The following SMYD3 variants were observed in gnomAD, a reference collection of about 807,000 sequenced individuals.
The protein encoded by SMYD3 is SET and MYND domain containing 3.
Under a neutral mutation model 57.7 loss-of-function variants are expected in SMYD3, and 36 were observed. The ratio of observed to expected loss-of-function variants is 0.62; its 90% CI spans 0.48 to 0.82. SMYD3 has a LOEUF of 0.82. Ranked by LOEUF, SMYD3 falls within the 40% of genes least tolerant of loss-of-function variation. SMYD3 has a pLI of 0.00. For synonymous variants in SMYD3, 211 were observed against 195.0 expected, an observed-to-expected ratio of 1.08 and a Z score of -0.68; for missense variants, 515 against 538.8, an observed-to-expected ratio of 0.96 and a Z score of 0.44.
rs546281341 is a variant in SMYD3 at position 245,984,112 on chromosome 1, G to T, written c.532-54175C>A. Among the ~76,000 whole-genome samples, 9 of 151,180 alleles carry T rather than the reference G, an allele frequency of 6.0e-5. No homozygotes were observed. In the South Asian group the frequency reaches 1.9e-3, roughly 32 times the overall value. ...CCTTCTGGGTTCAAGCGATTCTCCT[G>T]CCTCAGCCACCCAAGTAGCTGGGAT... On this transcript the variant is annotated intron_variant, in intron 5 of 11. Transcript: ENST00000490107.
At chr1:246,352,542 T>C (rs1242374042) in intron 2 of SMYD3, among the ~76,000 whole-genome samples, 1 of 152,210 alleles carries the variant, frequency 6.6e-6, no homozygotes, top group African/African-American at 2.4e-5. Context: ...GGCCAATCTT[T>C]AACTCCCCCT....
chr1:246,069,466 C>G (rs769684614), intron 5 of SMYD3, among the ~76,000 whole-genome samples: 1 of 152,174 alleles, frequency 6.6e-6, no homozygotes, highest in Non-Finnish European at 1.5e-5. Flanking sequence ...CATCACTAAC[C>G]TACAGTGTAT....
intron 1 of SMYD3, among the ~76,000 whole-genome samples, chr1:246,422,117 A>C (rs919468576): frequency 2.0e-5 from 3 of 152,214 alleles, no homozygotes; most frequent in Non-Finnish European, 4.4e-5. Context: ...GAATAGCATG[A>C]CACTGTGAAG....
chr1:246,154,402 C>T (rs2148170137), intron 5 of SMYD3, among the ~76,000 whole-genome samples: 1 of 152,310 alleles, frequency 6.6e-6, no homozygotes, highest in East Asian at 1.9e-4. Context: ...CAAAGTGCTT[C>T]AGGGCTTAAG....
At chr1:246,411,791 C>T (rs1359662085) in intron 1 of SMYD3, among the ~76,000 whole-genome samples, 1 of 128,810 alleles carries the variant, frequency 7.8e-6, no homozygotes, top group Non-Finnish European at 1.5e-5. Flanking sequence ...CGCATGGACA[C>T]AGGAAGGGGA....
At chr1:246,444,371 G>A (rs368409002) in intron 1 of SMYD3, among the ~76,000 whole-genome samples, 47 of 152,106 alleles carry the variant, frequency 3.1e-4, no homozygotes, top group East Asian at 1.6e-3. Flanking sequence ...TGATCCACCC[G>A]CCTCGGCCTC....
intron 8 of SMYD3, among the ~76,000 whole-genome samples, chr1:245,888,469 G>A (rs909228761): frequency 6.6e-6 from 1 of 151,996 alleles, no homozygotes; most frequent in African/African-American, 2.4e-5. Flanking sequence ...CACAACCAAG[G>A]GCAGTACCCA....
intron 1 of SMYD3, among the ~76,000 whole-genome samples, chr1:246,464,308 G>A (rs151244088): frequency 1.3e-5 from 2 of 152,248 alleles, no homozygotes; most frequent in African/African-American, 4.8e-5. Context: ...TTGAGCTCAG[G>A]AGTTCAAGAC....
rs1177857334 is a variant in SMYD3, at chr1:246,073,712, G to A, written c.532-143775C>T. On this transcript the variant is annotated intron_variant, in intron 5 of 11. Coordinates refer to ENST00000490107, the MANE Select transcript of SMYD3 (RefSeq NM_001167740.2). Reference sequence around the variant, plus strand: ...AGCCTAGGTGACAGGGCAAGACTCTGTCTCAAAATAAATAAATAAATAAAA... The same window carrying A: ...AGCCTAGGTGACAGGGCAAGACTCTATCTCAAAATAAATAAATAAATAAAA... 2.0e-5 allele frequency among the ~76,000 whole-genome samples: 3 copies of A among 152,066 alleles called. No homozygotes were observed. In the East Asian group the frequency reaches 5.8e-4, roughly 29 times the overall value.
At chr1:245,756,702 C>A (rs533679208) in intron 11 of SMYD3, among the ~76,000 whole-genome samples, 32 of 151,948 alleles carry the variant, frequency 2.1e-4, no homozygotes, top group Admixed American at 1.4e-3. Flanking sequence ...ATGCTACTTT[C>A]ATCTGGCTTC....
At chr1:245,936,231 T>C (rs2056972446) in intron 5 of SMYD3, among the ~76,000 whole-genome samples, 1 of 152,228 alleles carries the variant, frequency 6.6e-6, no homozygotes, top group African/African-American at 2.4e-5. Flanking sequence ...CATAAAATGA[T>C]AATTCTATAA....
intron 11 of SMYD3, among the ~76,000 whole-genome samples, chr1:245,759,991 G>A (rs2045775858): frequency 6.6e-6 from 1 of 152,150 alleles, no homozygotes; most frequent in Non-Finnish European, 1.5e-5. Context: ...AGAAATAAAT[G>A]GAAAGAAATA....
At chr1:245,921,415 G>A (rs1317188144) in intron 7 of SMYD3, among the ~76,000 whole-genome samples, 1 of 152,078 alleles carries the variant, frequency 6.6e-6, no homozygotes, top group Non-Finnish European at 1.5e-5. Context: ...CCATTACTGG[G>A]TATATACCCA....
chr1:245,916,834 A>T (rs1022382950), intron 7 of SMYD3, among the ~76,000 whole-genome samples: 2 of 151,932 alleles, frequency 1.3e-5, no homozygotes, highest in Non-Finnish European at 2.9e-5. Context: ...ACAGCTCCCC[A>T]CTTTGCCTGA....
chr1:245,907,098 T>A (rs1293087958), intron 8 of SMYD3, among the ~76,000 whole-genome samples: 1 of 152,102 alleles, frequency 6.6e-6, no homozygotes, highest in Non-Finnish European at 1.5e-5. Flanking sequence ...GACGTGAGGA[T>A]GGTTAATGGG....
chr1:246,335,553 C>A, intron 2 of SMYD3, 79 bp from the exon 3 acceptor site: 3 of 1,092,822 alleles, frequency 2.7e-6, no homozygotes, highest in South Asian at 1.3e-5. Flanking sequence ...CATCAAGAGT[C>A]ATAAACATTA....
rs537438307 is a variant in SMYD3, at chr1:246,099,348, T to C, written c.532-169411A>G. 5.9e-5 allele frequency among the ~76,000 whole-genome samples: 9 copies of C among 152,296 alleles called. No homozygotes were observed. In the South Asian group the frequency reaches 1.7e-3, roughly 28 times the overall value. On this transcript the variant is annotated intron_variant, in intron 5 of 11. Transcript: ENST00000490107. ...AACTGATTTCCATGGGACGCTTGAA[T>C]AAAGCAAGGCTGTCTGTCCAAAAGA...
At chr1:246,031,532 T>A in intron 5 of SMYD3, among the ~76,000 whole-genome samples, 1 of 151,956 alleles carries the variant, frequency 6.6e-6, no homozygotes, top group East Asian at 1.9e-4. Context: ...AGTCAGGAGA[T>A]CAAAACCATC....
intron 5 of SMYD3, among the ~76,000 whole-genome samples, chr1:246,126,069 A>G (rs1446322468): frequency 2.6e-5 from 4 of 152,202 alleles, no homozygotes; most frequent in African/African-American, 9.6e-5. Flanking sequence ...TTCAAGCAGA[A>G]TAATTCCAGA....
Sources: gnomAD v4.1 joint callset for allele counts (sites outside exome capture counted in the v4.1 genomes callset) on GRCh38, gnomAD v4.1.1 for gene constraint, MANE v1.5 for transcripts, NCBI Gene and HGNC (gene_info 2026-07-23, HGNC 2026-07-21) for gene names.